The following PARP4 variants were observed in gnomAD, a reference collection of about 807,000 sequenced individuals.
The protein encoded by PARP4 is poly(ADP-ribose) polymerase family member 4.
PARP4 carries 120 observed loss-of-function variants against 187.7 expected under a neutral mutation model. The observed-to-expected ratio is 0.64, with a 90% CI of 0.55 to 0.74. The LOEUF is 0.74. PARP4 is among the 30% of genes least tolerant of loss of function. The pLI is 0.00. For synonymous variants in PARP4, 654 were observed against 740.9 expected (o/e 0.88, Z 1.90); for missense variants, 1,836 against 2,070.5 (o/e 0.89, Z 2.20).
At chr13:24,502,767 A>C (rs1036247066) in intron 2 of PARP4, among the ~76,000 whole-genome samples, 17 of 152,252 alleles carry the variant, frequency 1.1e-4, no homozygotes, top group African/African-American at 4.1e-4. Flanking sequence ...ATCTGTCCAG[A>C]GATGGTGAGA....
intron 26 of PARP4, 79 bp downstream of exon 26, chr13:24,446,937 G>C: frequency 6.6e-7 from 1 of 1,508,946 alleles, no homozygotes; most frequent in Non-Finnish European, 8.9e-7. Flanking sequence ...CTGGTGAGAA[G>C]GGGAGGGAAG....
intron 1 of PARP4, among the ~76,000 whole-genome samples, chr13:24,508,411 T>C (rs1392162649): frequency 1.3e-5 from 2 of 152,116 alleles, no homozygotes; most frequent in Non-Finnish European, 2.9e-5. Context: ...AAATACAGAA[T>C]TGTATAACAG....
At chr13:24,486,340 T>C (rs1204499944) in intron 10 of PARP4, 35 bp from the exon 11 acceptor site, 4 of 1,439,780 alleles carry the variant, frequency 2.8e-6, no homozygotes, top group Non-Finnish European at 3.9e-6. Flanking sequence ...TTAGATTACA[T>C]AATTGGAAAC....
chr13:24,462,748 T>A (rs1207931675), intron 17 of PARP4, among the ~76,000 whole-genome samples: 1 of 152,302 alleles, frequency 6.6e-6, no homozygotes, highest in Admixed American at 6.5e-5. Context: ...ACAAACACAT[T>A]ATCAAAGTTG....
In PARP4 at chr13:24,477,825, C is replaced by G. The variant is rs541818477; in HGVS notation, c.1665G>C (p.Gln555His). Residue 555 changes from glutamine to histidine, a missense_variant, in exon 14 of 34, where the codon CAG (glutamine) becomes CAC (histidine). By Grantham distance (24) the Gln-to-His change is conservative (BLOSUM62 0). Transcript: ENST00000381989. The part of the protein sequence containing the change: ...DDEFVVYKTN[Q>H]VKMKYIIKFS... ...ATTTAATAATATATTTCATTTTAAC[C>G]TGATTGGTTTTATAGACAACAAATT... 8.2e-6 allele frequency: 13 copies of G among 1,581,658 alleles called. No homozygotes were observed. In the Admixed American group the frequency reaches 1.8e-4, roughly 22 times the overall value.
At chr13:24,429,027 A>G (rs1184482885) in intron 32 of PARP4, among the ~76,000 whole-genome samples, 7 of 149,746 alleles carry the variant, frequency 4.7e-5, no homozygotes, top group Non-Finnish European at 8.9e-5. Context: ...TTTTCTTTCT[A>G]TATTTCAGTT....
At chr13:24,478,352 C>T in intron 12 of PARP4, 76 bp from the exon 13 acceptor site, 2 of 932,166 alleles carry the variant, frequency 2.1e-6, no homozygotes, top group Non-Finnish European at 3.0e-6. Flanking sequence ...AAAAGACTTT[C>T]CTGGTAAACT....
rs140886733 is a variant in PARP4 at position 24,435,155 on chromosome 13, G to A, written c.3986C>T (p.Pro1329Leu). The change falls in exon 31 of 34, where the codon CCG becomes CTG. Residue 1329 changes from proline to leucine, a missense_variant. Physicochemically the swap from Pro to Leu is moderately conservative, Grantham distance 98. Around this residue, in one of 8 missense-constraint regions of PARP4, gnomAD observed 450 missense variants for 439.2 expected, o/e 1.02. Coordinates refer to ENST00000381989, the MANE Select transcript of PARP4 (RefSeq NM_006437.4). ...LAPAVGSYLP[P>L]TARAHSPASL... ...AGCAGGACTGTGAGCGCGGGCAGTC[G>A]GGGGAAGATAGGAACCAACGGCCGG... 1.3e-4 allele frequency: 202 copies of A among 1,614,130 alleles called. No homozygotes were observed. The highest frequency in any genetic ancestry group is 3.3e-4 in the Middle Eastern group (2 of 6,062).
chr13:24,459,736 A>G (rs1265309719), intron 18 of PARP4, among the ~76,000 whole-genome samples: 5 of 151,550 alleles, frequency 3.3e-5, no homozygotes, highest in Non-Finnish European at 7.4e-5. Flanking sequence ...CACTACAGAT[A>G]TAACATTTTT....
intron 16 of PARP4, 112 bp downstream of exon 16, chr13:24,469,782 A>G: frequency 9.0e-7 from 1 of 1,106,248 alleles, no homozygotes; most frequent in Non-Finnish European, 1.3e-6. Flanking sequence ...TCGTTTTATG[A>G]TAAGGCTGCT....
intron 15 of PARP4, among the ~76,000 whole-genome samples, chr13:24,474,319 G>C (rs576646114): frequency 1.4e-5 from 2 of 143,352 alleles, no homozygotes; most frequent in Non-Finnish European, 3.1e-5. Flanking sequence ...ATTGTCAATC[G>C]TCTCCTCTAT....
intron 1 of PARP4, among the ~76,000 whole-genome samples, chr13:24,506,888 C>A (rs373210388): frequency 6.6e-6 from 1 of 152,236 alleles, no homozygotes; most frequent in Non-Finnish European, 1.5e-5. Context: ...GCTCGTGCTG[C>A]GCAGGAGCCA....
intron 15 of PARP4, among the ~76,000 whole-genome samples, chr13:24,472,132 C>A (rs1332218493): frequency 2.6e-5 from 4 of 151,870 alleles, no homozygotes; most frequent in Admixed American, 2.6e-4. Flanking sequence ...GTCTCTGGGC[C>A]TCAGCTTCTT....
At position 24,456,552 on chromosome 13, in the gene PARP4, A is replaced by T. The variant is rs1163096627; in HGVS notation, c.2425-74T>A. 8 of 1,396,144 alleles carry T rather than the reference A, an allele frequency of 5.7e-6. 1 individual carries two copies. In the South Asian group the frequency reaches 1.2e-4, roughly 21 times the overall value. The allele number at this position is 1,396,144 out of a possible 1,614,324, so 86.5% of individuals were successfully genotyped here. ...TATTAGCAGTCTGCACTTACCTGTC[A>T]TGGAGCAAACCCTTGCATAGCTTAC... On this transcript the variant is annotated intron_variant, in intron 20 of 33. Coordinates refer to ENST00000381989, the MANE Select transcript of PARP4 (RefSeq NM_006437.4).
At chr13:24,455,609 GT>G (rs1871796561) in intron 21 of PARP4, among the ~76,000 whole-genome samples, 1 of 131,566 alleles carries the variant, frequency 7.6e-6, no homozygotes, top group East Asian at 2.2e-4. Context: ...TATCATGTAA[GT>G]TTCCTTTTTT....
In PARP4 at chr13:24,469,080, A is replaced by C; in HGVS notation, c.2077T>G (p.Tyr693Asp). 3.7e-6 allele frequency: 6 copies of C among 1,613,478 alleles called. No individual in the cohort carries two copies. Among genetic ancestry groups the C allele is most frequent in the Non-Finnish European group, 5.1e-6 (6 of 1,179,510 alleles). Residue 693 changes from tyrosine (Y) to aspartate (D), a missense_variant, in exon 17 of 34, where the codon TAC becomes GAC. By Grantham distance (160) the Tyr-to-Asp change is radical. Coordinates refer to ENST00000381989, the MANE Select transcript of PARP4 (RefSeq NM_006437.4). ...TGGCCCTGGGTCACGGCTTCTAGGT[A>C]CTCTTGCTGGGCTTCTTCCTTCTCT... ...IKEKEEAQQE[Y>D]LEAVTQGHGA...
chr13:24,479,896 T>C (rs6490941), intron 12 of PARP4, among the ~76,000 whole-genome samples: 33,591 of 151,818 alleles, frequency 0.22, 3,957 homozygotes, highest in African/African-American at 0.3. Flanking sequence ...ACCACGAAGG[T>C]CTGCAGCTTC....
chr13:24,492,845 A>G (rs1472687906), intron 8 of PARP4, among the ~76,000 whole-genome samples: 11 of 152,246 alleles, frequency 7.2e-5, no homozygotes, highest in Non-Finnish European at 1.3e-4. Context: ...TTCTATACAT[A>G]TGTGGACACA....
intron 17 of PARP4, among the ~76,000 whole-genome samples, chr13:24,462,476 T>C (rs1872256927): frequency 6.6e-6 from 1 of 152,236 alleles, no homozygotes; most frequent in Non-Finnish European, 1.5e-5. Context: ...TATTTCAGTC[T>C]CTCTTCTTCT....
Sources: gnomAD v4.1 joint callset for allele counts (sites outside exome capture counted in the v4.1 genomes callset) on GRCh38, gnomAD v4.1.1 for gene constraint, gnomAD v4.1.1 regional missense constraint, MANE v1.5 for transcripts, NCBI Gene and HGNC (gene_info 2026-07-23, HGNC 2026-07-21) for gene names.